The following DCC variants were observed in gnomAD, a reference collection of about 807,000 sequenced individuals.
The protein encoded by DCC is netrin receptor DCC.
In DCC, 58 loss-of-function variants were observed where a neutral mutation model predicts 172.5. The ratio of observed to expected loss-of-function variants is 0.34; its 90% CI spans 0.27 to 0.42. The LOEUF is 0.42. DCC is among the 10% of genes least tolerant of loss of function. DCC has a pLI of 1.00. For missense variants in DCC, 1,740 were observed against 1,791.0 expected (o/e 0.97, Z 0.51); for synonymous variants, 709 against 644.5 (o/e 1.10, Z -1.52).
At chr18:52,361,676 C>T (rs1364502020) in intron 1 of DCC, among the ~76,000 whole-genome samples, 1 of 152,220 alleles carries the variant, frequency 6.6e-6, no homozygotes, top group African/African-American at 2.4e-5. Flanking sequence ...ACTCAGGCTT[C>T]ATCCAAAATT....
chr18:52,973,883 A>C (rs1016231260), intron 5 of DCC, among the ~76,000 whole-genome samples: 1 of 152,166 alleles, frequency 6.6e-6, no homozygotes, highest in African/African-American at 2.4e-5. Context: ...AATGTTTTAC[A>C]ATTTCATTCG....
At chr18:52,850,276 A>C (rs932335395) in intron 2 of DCC, among the ~76,000 whole-genome samples, 5 of 152,222 alleles carry the variant, frequency 3.3e-5, no homozygotes, top group African/African-American at 1.2e-4. Context: ...TTAATCTGGA[A>C]GCACATCGTT....
chr18:53,275,364 A>G (rs1272157946), intron 12 of DCC, among the ~76,000 whole-genome samples: 1 of 152,112 alleles, frequency 6.6e-6, no homozygotes, highest in East Asian at 1.9e-4. Context: ...TGCAATTATG[A>G]TAAAATTATA....
chr18:52,790,710 G>A (rs370341715), intron 2 of DCC, among the ~76,000 whole-genome samples: 15 of 152,184 alleles, frequency 9.9e-5, no homozygotes, highest in African/African-American at 2.2e-4. Context: ...TCACCTTCCC[G>A]ATTTTCTCTT....
chr18:52,523,831 G>T (rs2031896425), intron 1 of DCC, among the ~76,000 whole-genome samples: 1 of 152,130 alleles, frequency 6.6e-6, no homozygotes. Context: ...GCAGGGACTT[G>T]GGATTATCAT....
intron 12 of DCC, among the ~76,000 whole-genome samples, chr18:53,299,510 TGAAG>T (rs1272194226): frequency 6.6e-6 from 1 of 152,208 alleles, no homozygotes; most frequent in Non-Finnish European, 1.5e-5. Flanking sequence ...AAATCACACT[TGAAG>T]GATGAGTTCC....
At chr18:53,469,234 G>T (rs557475866) in intron 25 of DCC, among the ~76,000 whole-genome samples, 2 of 151,658 alleles carry the variant, frequency 1.3e-5, no homozygotes, top group African/African-American at 4.8e-5. Flanking sequence ...CATCTTACTC[G>T]CCTGAAAAAA....
At chr18:52,495,848 G>C (rs2030725510) in intron 1 of DCC, among the ~76,000 whole-genome samples, 1 of 151,264 alleles carries the variant, frequency 6.6e-6, no homozygotes, top group Non-Finnish European at 1.5e-5. Flanking sequence ...TGGTGGCTTT[G>C]ACATCAGGGA....
chr18:53,514,268 A>C (rs985527021), intron 27 of DCC, among the ~76,000 whole-genome samples: 4 of 152,166 alleles, frequency 2.6e-5, no homozygotes, highest in African/African-American at 9.7e-5. Flanking sequence ...ACAAAGACAC[A>C]ACATACCAGA....
At chr18:52,364,742 G>A (rs1043449226) in intron 1 of DCC, among the ~76,000 whole-genome samples, 1 of 152,100 alleles carries the variant, frequency 6.6e-6, no homozygotes. Context: ...TCCTGGTTTT[G>A]CCCTTCTTAG....
chr18:52,419,441 A>T (rs933906923), intron 1 of DCC: 3 of 152,292 alleles, frequency 2.0e-5, no homozygotes, highest in African/African-American at 7.2e-5. Context: ...TCAACTTCAA[A>T]GCAGCCATTG....
At chr18:52,927,183 A>ATACGTATATATGTG (rs2040230896) in intron 5 of DCC, among the ~76,000 whole-genome samples, 1 of 146,214 alleles carries the variant, frequency 6.8e-6, no homozygotes, top group Non-Finnish European at 1.5e-5. Context: ...ATATGTGTAT[A>ATACGTATATATGTG]TATACGTATA....
chr18:52,922,599 AG>A (rs2040143292), intron 3 of DCC, among the ~76,000 whole-genome samples: 2 of 152,192 alleles, frequency 1.3e-5, no homozygotes, highest in South Asian at 4.1e-4. Context: ...ATTTGGTTGA[AG>A]ATGACTTCAA....
At chr18:53,089,435 A>G (rs1338565353) in intron 7 of DCC, among the ~76,000 whole-genome samples, 5 of 152,016 alleles carry the variant, frequency 3.3e-5, no homozygotes, top group Non-Finnish European at 5.9e-5. Context: ...CCTTGTGTCT[A>G]CTTCTGCCTC....
At chr18:53,073,694 A>T (rs916325315) in intron 7 of DCC, among the ~76,000 whole-genome samples, 1 of 151,994 alleles carries the variant, frequency 6.6e-6, no homozygotes, top group African/African-American at 2.4e-5. Context: ...CCCCTGGAAA[A>T]GGTTACTGAT....
At chr18:53,359,082 A>C (rs562167525) in intron 15 of DCC, among the ~76,000 whole-genome samples, 1 of 152,308 alleles carries the variant, frequency 6.6e-6, no homozygotes, top group South Asian at 2.1e-4. Flanking sequence ...TGCAGAGTCA[A>C]GGAAAAGCAA....
chr18:52,594,203 C>A (rs1396781153), intron 1 of DCC, among the ~76,000 whole-genome samples: 1 of 152,204 alleles, frequency 6.6e-6, no homozygotes, highest in African/African-American at 2.4e-5. Flanking sequence ...CTTGTGCCTT[C>A]TGGGTGCTTT....
chr18:52,845,176 G>C (rs1338625838), intron 2 of DCC, among the ~76,000 whole-genome samples: 1 of 152,154 alleles, frequency 6.6e-6, no homozygotes, highest in Non-Finnish European at 1.5e-5. Flanking sequence ...GGAGAGATCT[G>C]AGAACAATTT....
At chr18:52,969,361 AATAACACTACCACCAACCAAATTAC>A (rs2040985491) in intron 5 of DCC, among the ~76,000 whole-genome samples, 1 of 152,098 alleles carries the variant, frequency 6.6e-6, no homozygotes, top group Non-Finnish European at 1.5e-5. Context: ...TATATTAGCA[AATAACACTACCACCAACCAAATTAC>A]CGAAGTAGAA....
Sources: allele counts gnomAD v4.1 joint callset (sites outside exome capture counted in the v4.1 genomes callset), GRCh38; gene constraint gnomAD v4.1.1; transcripts MANE v1.5; gene names NCBI Gene and HGNC (gene_info 2026-07-23, HGNC 2026-07-21).